ADGRL3: variants seen among roughly 807,000 people sequenced by gnomAD.
The protein encoded by ADGRL3 is adhesion G protein-coupled receptor L3.
ADGRL3 carries 62 observed loss-of-function variants against 153.5 expected under a neutral mutation model. The ratio of observed to expected loss-of-function variants is 0.40; its 90% CI spans 0.33 to 0.50. The LOEUF (loss-of-function observed/expected upper bound fraction) is 0.50. ADGRL3 is among the 20% of genes least tolerant of loss of function. The pLI is 0.47. For missense variants in ADGRL3, 1,641 were observed against 1,859.4 expected, an observed-to-expected ratio of 0.88 and a Z score of 2.16; for synonymous variants, 710 against 672.5, an observed-to-expected ratio of 1.06 and a Z score of -0.86.
At chr4:61,246,439 A>G (rs2149384556) in intron 1 of ADGRL3, among the ~76,000 whole-genome samples, 1 of 152,152 alleles carries the variant, frequency 6.6e-6, no homozygotes, top group African/African-American at 2.4e-5. Flanking sequence ...GTTTCTTAAA[A>G]GAGATGATTT....
At chr4:61,658,458 GT>G (rs1439495477) in intron 5 of ADGRL3, among the ~76,000 whole-genome samples, 9 of 151,992 alleles carry the variant, frequency 5.9e-5, no homozygotes, top group African/African-American at 1.9e-4. Context: ...CTAAGCCTTA[GT>G]TTTTTTCACT....
At chr4:61,420,054 G>A (rs751726613) in intron 2 of ADGRL3, among the ~76,000 whole-genome samples, 78 of 151,876 alleles carry the variant, frequency 5.1e-4, no homozygotes, top group Non-Finnish European at 8.5e-4. Context: ...CACCCACCTC[G>A]GCCTCCCAAA....
intron 11 of ADGRL3, among the ~76,000 whole-genome samples, chr4:61,902,985 C>T (rs746393343): frequency 1.1e-4 from 16 of 152,058 alleles, no homozygotes; most frequent in Non-Finnish European, 1.0e-4. Context: ...AAATGTTCAT[C>T]AGAGAACAAA....
chr4:61,683,505 G>A lies in ADGRL3; in HGVS notation c.583+6570G>A, dbSNP rs183968882. Among the ~76,000 whole-genome samples the A allele has an allele frequency of 8.9e-4, 135 of 152,146 alleles. 2 individuals carry two copies. Among genetic ancestry groups the A allele is most frequent in the African/African-American group, 3.2e-3 (132 of 41,506 alleles). ...GATGAGAAAGTGCCCCGTGTGTCTG[G>A]GTCTGGGGTCTCTTATGAACCCACA... is the stretch of plus-strand genomic sequence containing the variant. On this transcript the variant is annotated intron_variant, in intron 6 of 26. Transcript: ENST00000683033.
At chr4:61,859,649 G>T (rs2098319345) in intron 9 of ADGRL3, among the ~76,000 whole-genome samples, 1 of 152,074 alleles carries the variant, frequency 6.6e-6, no homozygotes, top group African/African-American at 2.4e-5. Context: ...AGATACAGAA[G>T]AAATTTAAAT....
At chr4:61,337,700 C>T (rs995716443) in intron 1 of ADGRL3, among the ~76,000 whole-genome samples, 8 of 152,134 alleles carry the variant, frequency 5.3e-5, no homozygotes, top group African/African-American at 1.2e-4. Flanking sequence ...TTATGCTTCA[C>T]GTGTATTTTC....
At chr4:61,324,111 A>T (rs1048119747) in intron 1 of ADGRL3, among the ~76,000 whole-genome samples, 2 of 152,154 alleles carry the variant, frequency 1.3e-5, no homozygotes, top group African/African-American at 4.8e-5. Flanking sequence ...AGACCCATTT[A>T]CTATAACAAG....
At chr4:61,745,089 G>A (rs2096637727) in intron 8 of ADGRL3, among the ~76,000 whole-genome samples, 2 of 152,308 alleles carry the variant, frequency 1.3e-5, no homozygotes, top group South Asian at 4.1e-4. Flanking sequence ...AGGAGCCAAT[G>A]CGATCAACTG....
intron 4 of ADGRL3, among the ~76,000 whole-genome samples, chr4:61,535,322 G>A (rs553379089): frequency 6.6e-6 from 1 of 152,128 alleles, no homozygotes; most frequent in East Asian, 1.9e-4. Flanking sequence ...TTTTGGATAG[G>A]GTGTTGGATT....
chr4:61,818,002 C>A (rs1383872149), intron 9 of ADGRL3, among the ~76,000 whole-genome samples: 2 of 152,136 alleles, frequency 1.3e-5, no homozygotes, highest in Non-Finnish European at 2.9e-5. Flanking sequence ...CCTCCCAAAT[C>A]TCATGTGCTC....
In ADGRL3 at chr4:61,556,131, G is replaced by A. The variant is rs535689963; in HGVS notation, c.260-31096G>A. Among the ~76,000 whole-genome samples, 85 of 152,270 alleles carry A rather than the reference G, an allele frequency of 5.6e-4. No homozygotes were observed. The Middle Eastern group carries it at 0.01, about 18-fold the overall frequency. On this transcript the variant is annotated intron_variant, in intron 4 of 26. Transcript: ENST00000683033. The stretch of plus-strand genomic sequence containing the variant: ...CACACGCCTCTGACAGGAGCAGAGA[G>A]AGAATAGAAGTATGAAAATATTGTT...
chr4:61,468,578 A>G (rs1305514119), intron 2 of ADGRL3, among the ~76,000 whole-genome samples: 1 of 152,186 alleles, frequency 6.6e-6, no homozygotes, highest in East Asian at 1.9e-4. Flanking sequence ...CCCTTTGTCC[A>G]AAATAATAGC....
At chr4:62,006,032 A>ATTTTTT (rs1553908051) in intron 21 of ADGRL3, among the ~76,000 whole-genome samples, 15 of 73,082 alleles carry the variant, frequency 2.1e-4, no homozygotes, top group African/African-American at 7.4e-4. Context: ...ATATATATAT[A>ATTTTTT]TTTTTTTTTT....
intron 1 of ADGRL3, among the ~76,000 whole-genome samples, chr4:61,243,949 C>T (rs1281038064): frequency 6.6e-6 from 1 of 151,966 alleles, no homozygotes; most frequent in East Asian, 1.9e-4. Flanking sequence ...GAAATACTAT[C>T]CTTAGATTTA....
intron 13 of ADGRL3, among the ~76,000 whole-genome samples, chr4:61,929,449 G>A (rs1044256137): frequency 6.6e-6 from 1 of 152,206 alleles, no homozygotes; most frequent in Non-Finnish European, 1.5e-5. Context: ...ATTCAAGAAA[G>A]TATTGGCTAG....
At chr4:61,287,389 T>C (rs2093978148) in intron 1 of ADGRL3, among the ~76,000 whole-genome samples, 1 of 151,930 alleles carries the variant, frequency 6.6e-6, no homozygotes, top group African/African-American at 2.4e-5. Context: ...TTAATGCACT[T>C]TACTTGTCTG....
intron 21 of ADGRL3, among the ~76,000 whole-genome samples, chr4:62,007,383 T>TATATATATATATATATAC (rs71213024): frequency 5.5e-4 from 17 of 30,756 alleles, no homozygotes; most frequent in African/African-American, 1.0e-3. Flanking sequence ...TATATATATA[T>TATATATATATATATATAC]ACACACACAC....
intron 2 of ADGRL3, among the ~76,000 whole-genome samples, chr4:61,388,488 T>TG (rs765839984): frequency 2.0e-5 from 3 of 152,206 alleles, no homozygotes; most frequent in African/African-American, 2.4e-5. Flanking sequence ...TTTGGGTTAA[T>TG]GGCTCCATTC....
chr4:61,937,510 T>C (rs1363927614), intron 15 of ADGRL3, among the ~76,000 whole-genome samples: 1 of 151,992 alleles, frequency 6.6e-6, no homozygotes, highest in Non-Finnish European at 1.5e-5. Context: ...AGTCTACCTC[T>C]ATAGGGAGAG....
Sources: allele counts gnomAD v4.1 joint callset (sites outside exome capture counted in the v4.1 genomes callset), GRCh38; gene constraint gnomAD v4.1.1; transcripts MANE v1.5; gene names NCBI Gene and HGNC (gene_info 2026-07-23, HGNC 2026-07-21).